The following TRAPPC3 variants were observed in gnomAD, a reference collection of about 807,000 sequenced individuals.
TRAPPC3 encodes trafficking protein particle complex subunit 3, also known as trafficking protein particle complex 3.
A neutral mutation model predicts 18.2 loss-of-function variants in TRAPPC3; 5 were observed. That is an observed-to-expected ratio of 0.28 (90% CI 0.14 to 0.58). The LOEUF (loss-of-function observed/expected upper bound fraction) is 0.58. Among genes scored for constraint, TRAPPC3 ranks in the 20% least tolerant of loss-of-function variants. TRAPPC3 has a pLI of 0.91. For synonymous variants in TRAPPC3, 65 were observed against 84.2 expected (o/e 0.77, Z 1.25); for missense variants, 176 against 225.9 (o/e 0.78, Z 1.41).
At chr1:36,152,295 CT>C (rs11364641), upstream of TRAPPC3, among the ~76,000 whole-genome samples, 20,871 of 135,452 alleles carry the variant, frequency 0.15, 3,087 homozygotes, top group East Asian at 0.48. Context: ...ATTTCTTTTT[CT>C]TTTTTTTTTT....
In TRAPPC3 at chr1:36,140,066, C is replaced by T; in HGVS notation, c.140+3G>A. ...TGTCTCTCCTATGAAGGAGCTCACT[C>T]ACATTTTGTCCAGCTGTTTATTCAC... On this transcript the variant is annotated splice_donor_region_variant and intron_variant, in intron 2 of 4. Transcript: ENST00000373166. 1.3e-6 allele frequency: 2 copies of T among 1,592,862 alleles called. No homozygotes were observed. Among genetic ancestry groups the T allele is most frequent in the Non-Finnish European group, 1.7e-6 (2 of 1,172,064 alleles).
intron 1 of TRAPPC3, among the ~76,000 whole-genome samples, chr1:36,148,846 T>C (rs1570104748): frequency 2.0e-5 from 3 of 152,294 alleles, no homozygotes; most frequent in South Asian, 4.1e-4. Context: ...CGAGACACTG[T>C]AGCCTAAGAG....
At chr1:36,138,946 G>A (rs1404703112) in intron 3 of TRAPPC3, among the ~76,000 whole-genome samples, 1 of 150,174 alleles carries the variant, frequency 6.7e-6, no homozygotes. Flanking sequence ...TGAGGCAGAA[G>A]AATCATTTGA....
intron 1 of TRAPPC3, among the ~76,000 whole-genome samples, chr1:36,154,573 C>G (rs1354453146): frequency 6.6e-6 from 1 of 152,114 alleles, no homozygotes; most frequent in Admixed American, 6.6e-5. Flanking sequence ...CGCAGTCCCC[C>G]CACCCTGCAG....
rs1357279793 is a variant in TRAPPC3 at position 36,149,441 on chromosome 1, C to T, written c.-63G>A. ...TTAGCTCGGCGACCCCTGCAGACGC[C>T]GGAGCCTAAGCCGCTGCCCCTCAGC... On this transcript the variant is annotated 5_prime_UTR_variant, in exon 1 of 5. Coordinates refer to ENST00000373166, the MANE Select transcript of TRAPPC3 (RefSeq NM_014408.5). The T allele has an allele frequency of 2.5e-6, 4 of 1,594,510 alleles. No individual in the cohort carries two copies. The highest frequency in any genetic ancestry group is 1.1e-5 in the South Asian group (1 of 89,680).
intron 1 of TRAPPC3, among the ~76,000 whole-genome samples, chr1:36,147,593 A>T (rs1035646450): frequency 1.3e-5 from 2 of 152,126 alleles, no homozygotes; most frequent in Non-Finnish European, 2.9e-5. Context: ...GATGAGCCTC[A>T]ATCATGCCAC....
intron 3 of TRAPPC3, chr1:36,138,294 G>A: frequency 6.5e-7 from 1 of 1,529,930 alleles, no homozygotes; most frequent in African/African-American, 1.4e-5. Flanking sequence ...TCAGTGGAAG[G>A]GAGCACTAGT....
At chr1:36,152,113 G>A (rs1644275795), upstream of TRAPPC3, among the ~76,000 whole-genome samples, 1 of 152,070 alleles carries the variant, frequency 6.6e-6, no homozygotes. Context: ...TAATTTGTGG[G>A]TGTGGGAGCA....
rs900560660 is a variant in TRAPPC3, at chr1:36,137,007, G to A, written c.*196C>T. 1 of 508,382 alleles carries A rather than the reference G, an allele frequency of 2.0e-6. No homozygotes were observed. The highest frequency in any genetic ancestry group is 3.3e-6 in the Non-Finnish European group (1 of 301,142). The allele number at this position is 508,382 out of a possible 1,614,324, so 31.5% of individuals were successfully genotyped here. A position where few individuals can be genotyped will look rare whatever the true frequency, so the allele number is the denominator to read the frequency against. On this transcript the variant is annotated 3_prime_UTR_variant, in exon 5 of 5. Coordinates refer to ENST00000373166, the MANE Select transcript of TRAPPC3 (RefSeq NM_014408.5). ...CAAGGGAATGGGGGCAGAGACTGTC[G>A]CTCCTGAATGTGCACACATGGGGTA...
chr1:36,153,468 G>A (rs187120537), upstream of TRAPPC3, among the ~76,000 whole-genome samples: 1 of 152,196 alleles, frequency 6.6e-6, no homozygotes, highest in African/African-American at 2.4e-5. Flanking sequence ...GAGAACTGTC[G>A]TTTAAGCTGC....
At position 36,137,283 on chromosome 1, in the gene TRAPPC3, G is replaced by C; in HGVS notation, c.463C>G (p.Leu155Val). 6.2e-7 allele frequency: 1 copy of C among 1,613,232 alleles called. No individual in the cohort carries two copies. The highest frequency in any genetic ancestry group is 8.5e-7 in the Non-Finnish European group (1 of 1,179,268). The change falls in exon 5 of 5, where the codon CTG becomes GTG. Residue 155 changes from leucine to valine, a missense_variant. Leu to Val is a conservative substitution (Grantham distance 32). Coordinates refer to ENST00000373166, the MANE Select transcript of TRAPPC3 (RefSeq NM_014408.5). The part of the protein sequence containing the change: ...AVEAKFVQDT[L>V]KGDGVTEIRM... ...ATTTCTGTCACACCGTCTCCTTTCA[G>C]GGTGTCCTGGACAAACTTGGCCTCC... is the stretch of plus-strand genomic sequence containing the variant.
At chr1:36,138,228 C>A in intron 3 of TRAPPC3, 1 of 1,543,314 alleles carries the variant, frequency 6.5e-7, no homozygotes, top group Non-Finnish European at 8.7e-7. Context: ...AAACATTTTT[C>A]TTTCCTAGGC....
intron 1 of TRAPPC3, among the ~76,000 whole-genome samples, chr1:36,142,497 T>C (rs1032086140): frequency 1.3e-5 from 2 of 152,188 alleles, no homozygotes; most frequent in East Asian, 1.9e-4. Context: ...CATGATGTTA[T>C]CAAGCACCTT....
chr1:36,145,575 G>C (rs1644182077), intron 1 of TRAPPC3, among the ~76,000 whole-genome samples: 1 of 152,164 alleles, frequency 6.6e-6, no homozygotes, highest in South Asian at 2.1e-4. Flanking sequence ...GAGAAGGGCA[G>C]GTCTCATTGT....
chr1:36,137,906 G>A lies in TRAPPC3; in HGVS notation c.313C>T (p.Leu105Phe). 1 of 1,614,208 alleles carries A rather than the reference G, an allele frequency of 6.2e-7. No individual in the cohort carries two copies. The highest frequency in any genetic ancestry group is 8.5e-7 in the Non-Finnish European group (1 of 1,180,040). Residue 105 changes from leucine to phenylalanine, a missense_variant, in exon 4 of 5, where the codon CTC becomes TTC. By Grantham distance (22) the Leu-to-Phe change is conservative (BLOSUM62 0). This residue lies in a region of TRAPPC3 where 147 missense variants were observed against 164.3 expected (regional missense o/e 0.89). Coordinates refer to ENST00000373166, the MANE Select transcript of TRAPPC3 (RefSeq NM_014408.5). ...NWSPAGDEFS[L>F]ILENNPLVDF... Reference sequence around the variant, plus strand: ...ACCAAGGGGTTATTTTCCAAAATGAGGGAGAATTCATCACCAGCTGGGCTC... The same window carrying A: ...ACCAAGGGGTTATTTTCCAAAATGAAGGAGAATTCATCACCAGCTGGGCTC...
chr1:36,149,060 G>A (rs1016296333), intron 1 of TRAPPC3: 20 of 1,281,966 alleles, frequency 1.6e-5, no homozygotes, highest in Middle Eastern at 2.9e-4. Context: ...TAGTAAGAGA[G>A]AAGTTAAGTG....
chr1:36,140,153 A>AAGAGCTC lies in TRAPPC3; in HGVS notation c.49_55dup (p.Phe19Ter). 1.3e-6 allele frequency: 2 copies of AAGAGCTC among 1,595,050 alleles called. No individual in the cohort carries two copies. Among genetic ancestry groups the AAGAGCTC allele is most frequent in the Non-Finnish European group, 1.7e-6 (2 of 1,174,422 alleles). ...GACCAGGGCACCATAGGTCAGGGTGAAGAGCTCAGAGCTCTAAAAGAGATT... is the reference window on the plus strand; with the variant it reads ...GACCAGGGCACCATAGGTCAGGGTGAAGAGCTCAGAGCTCAGAGCTCTAAAAGAGATT... On this transcript the variant is annotated stop_gained and frameshift_variant, in exon 2 of 5. Transcript: ENST00000373166. LOFTEE classifies it high-confidence loss of function.
Position 36,137,089 on chromosome 1 carries a change from A to G in TRAPPC3, c.*114T>C. On this transcript the variant is annotated 3_prime_UTR_variant, in exon 5 of 5. Coordinates refer to ENST00000373166, the MANE Select transcript of TRAPPC3 (RefSeq NM_014408.5). ...GAATGGAGAATGGAAACAGGTTATA[A>G]GAATATATAACATCCATGTTCAAGA... is the stretch of plus-strand genomic sequence containing the variant. 8.1e-7 allele frequency: 1 copy of G among 1,236,774 alleles called. No individual in the cohort carries two copies. The allele number at this position is 1,236,774 out of a possible 1,614,324, so 76.6% of individuals were successfully genotyped here. A position where few individuals can be genotyped will look rare whatever the true frequency, so the allele number is the denominator to read the frequency against.
chr1:36,138,381 C>A, intron 3 of TRAPPC3: 1 of 959,486 alleles, frequency 1.0e-6, no homozygotes, highest in Non-Finnish European at 1.5e-6. Flanking sequence ...CCTGAATGCA[C>A]CTTCTTGAAA....
Sources: allele counts gnomAD v4.1 joint callset (sites outside exome capture counted in the v4.1 genomes callset), GRCh38; gene constraint gnomAD v4.1.1; regional missense constraint gnomAD v4.1.1; transcripts MANE v1.5; gene names NCBI Gene and HGNC (gene_info 2026-07-23, HGNC 2026-07-21).